NRXN1: variants seen among roughly 807,000 people sequenced by gnomAD.
NRXN1 encodes neurexin-1.
Under a neutral mutation model 150.9 loss-of-function variants are expected in NRXN1, and 39 were observed. The observed-to-expected ratio is 0.26, with a 90% CI of 0.20 to 0.34. The LOEUF (loss-of-function observed/expected upper bound fraction) is 0.34. Among genes scored for constraint, NRXN1 ranks in the 10% least tolerant of loss-of-function variants. The probability of loss-of-function intolerance (pLI) is 1.00; values close to 1 mark genes in which losing one functional copy is unlikely to be tolerated. For missense variants in NRXN1, 1,815 were observed against 1,949.9 expected (o/e 0.93, Z 1.30); for synonymous variants, 924 against 757.0 (o/e 1.22, Z -3.62).
chr2:50,881,189 G>A (rs934861162), intron 5 of NRXN1, among the ~76,000 whole-genome samples: 7 of 151,860 alleles, frequency 4.6e-5, no homozygotes, highest in African/African-American at 1.2e-4. Flanking sequence ...AGCATAATAC[G>A]TTAAAATATC....
chr2:50,169,863 C>T (rs942381253), intron 18 of NRXN1, among the ~76,000 whole-genome samples: 12 of 151,628 alleles, frequency 7.9e-5, no homozygotes, highest in African/African-American at 2.7e-4. Context: ...GTGTGTTGGG[C>T]AGTTTGGTAC....
intron 2 of NRXN1, among the ~76,000 whole-genome samples, chr2:51,008,850 A>C (rs929477263): frequency 6.6e-6 from 1 of 151,706 alleles, no homozygotes; most frequent in Non-Finnish European, 1.5e-5. Flanking sequence ...TTTCGTGATA[A>C]TATTAAGGTT....
At chr2:50,308,955 G>A (rs1470554928) in intron 17 of NRXN1, among the ~76,000 whole-genome samples, 1 of 152,148 alleles carries the variant, frequency 6.6e-6, no homozygotes, top group Non-Finnish European at 1.5e-5. Context: ...GGTTAAACGA[G>A]ACATGTTTGT....
intron 2 of NRXN1, among the ~76,000 whole-genome samples, chr2:50,959,414 T>C (rs1472046896): frequency 6.6e-6 from 1 of 152,056 alleles, no homozygotes; most frequent in African/African-American, 2.4e-5. Context: ...AAGTCAAATA[T>C]TATTCAGCCA....
chr2:50,705,857 T>C (rs1453172996), intron 5 of NRXN1, among the ~76,000 whole-genome samples: 1 of 152,124 alleles, frequency 6.6e-6, no homozygotes, highest in East Asian at 1.9e-4. Context: ...ACATAAAAGA[T>C]CTGCACAGAC....
At chr2:50,216,285 T>A (rs1053430863) in intron 18 of NRXN1, among the ~76,000 whole-genome samples, 3 of 152,070 alleles carry the variant, frequency 2.0e-5, no homozygotes, top group Non-Finnish European at 4.4e-5. Context: ...CTCAAATGTT[T>A]ATAAACATCT....
At chr2:50,961,399 G>C (rs1693174201) in intron 2 of NRXN1, among the ~76,000 whole-genome samples, 1 of 151,614 alleles carries the variant, frequency 6.6e-6, no homozygotes, top group Non-Finnish European at 1.5e-5. Context: ...GAAAAAAAAG[G>C]GTTATATATG....
At chr2:50,485,814 G>C (rs564444082) in intron 15 of NRXN1, among the ~76,000 whole-genome samples, 3 of 152,202 alleles carry the variant, frequency 2.0e-5, no homozygotes, top group South Asian at 2.1e-4. Flanking sequence ...GGAGGAATTC[G>C]AGGGATCTGC....
chr2:50,501,894 C>G (rs962890782), intron 13 of NRXN1, among the ~76,000 whole-genome samples: 2 of 152,106 alleles, frequency 1.3e-5, no homozygotes, highest in African/African-American at 4.8e-5. Context: ...AATAGAATTA[C>G]GATAAAACTT....
At chr2:49,963,199 T>C (rs1025014606) in intron 21 of NRXN1, among the ~76,000 whole-genome samples, 2 of 152,180 alleles carry the variant, frequency 1.3e-5, no homozygotes, top group African/African-American at 4.8e-5. Flanking sequence ...TGCTTCCTTT[T>C]AACGTCACAG....
At chr2:49,945,733 C>A (rs1448844876) in intron 21 of NRXN1, among the ~76,000 whole-genome samples, 2 of 152,132 alleles carry the variant, frequency 1.3e-5, no homozygotes, top group Non-Finnish European at 2.9e-5. Context: ...TTTTTTATGG[C>A]TGCATAGTAT....
intron 17 of NRXN1, among the ~76,000 whole-genome samples, chr2:50,280,156 T>C (rs2071224054): frequency 6.6e-6 from 1 of 151,688 alleles, no homozygotes; most frequent in Non-Finnish European, 1.5e-5. Context: ...CGGGCGCCTG[T>C]AGTCCCAGCT....
intron 21 of NRXN1, chr2:49,972,691 A>G (rs1475897176): frequency 6.6e-6 from 1 of 152,224 alleles, no homozygotes; most frequent in Non-Finnish European, 1.5e-5. Flanking sequence ...CTGGTAAAGC[A>G]ACTTCTATTC....
chr2:50,780,953 G>A (rs1398194217), intron 5 of NRXN1, among the ~76,000 whole-genome samples: 1 of 152,128 alleles, frequency 6.6e-6, no homozygotes, highest in Admixed American at 6.6e-5. Flanking sequence ...TAGTGCCATA[G>A]ACTATAAAGG....
At chr2:50,743,075 T>C (rs955787064) in intron 5 of NRXN1, among the ~76,000 whole-genome samples, 2 of 152,196 alleles carry the variant, frequency 1.3e-5, no homozygotes, top group African/African-American at 4.8e-5. Flanking sequence ...ATTTTCACTA[T>C]AGAGAGATGA....
chr2:50,534,805 C>G (rs2093212122), intron 10 of NRXN1, among the ~76,000 whole-genome samples: 1 of 152,074 alleles, frequency 6.6e-6, no homozygotes, highest in Non-Finnish European at 1.5e-5. Flanking sequence ...TAATCATATT[C>G]TTCTGGGAAA....
chr2:50,468,047 G>A (rs553109493), intron 16 of NRXN1, among the ~76,000 whole-genome samples: 44 of 151,614 alleles, frequency 2.9e-4, no homozygotes, highest in African/African-American at 1.1e-3. Flanking sequence ...ATTTCTTCCA[G>A]TGTTAAGCAA....
intron 18 of NRXN1, among the ~76,000 whole-genome samples, chr2:50,173,962 C>T (rs1473219620): frequency 6.6e-6 from 1 of 152,080 alleles, no homozygotes; most frequent in African/African-American, 2.4e-5. Context: ...TGCATATGCA[C>T]TAAGTGTCTT....
chr2:50,355,002 C>A (rs1232269153), intron 17 of NRXN1, among the ~76,000 whole-genome samples: 3 of 152,016 alleles, frequency 2.0e-5, no homozygotes, highest in African/African-American at 7.2e-5. Context: ...TTTCCAAATT[C>A]TTTGGTAAAC....
Sources: gnomAD v4.1 joint callset for allele counts (sites outside exome capture counted in the v4.1 genomes callset) on GRCh38, gnomAD v4.1.1 for gene constraint, MANE v1.5 for transcripts, NCBI Gene and HGNC (gene_info 2026-07-23, HGNC 2026-07-21) for gene names.